EIF3D: variants seen among roughly 807,000 people sequenced by gnomAD.
The protein encoded by EIF3D is eIF3 p66.
EIF3D carries 10 observed loss-of-function variants against 75.4 expected under a neutral mutation model. That is an observed-to-expected ratio of 0.13 (90% confidence interval 0.08 to 0.22). The LOEUF (loss-of-function observed/expected upper bound fraction) is 0.22. EIF3D is among the 10% of genes least tolerant of loss of function. The probability of loss-of-function intolerance (pLI) is 1.00; values close to 1 mark genes in which losing one functional copy is unlikely to be tolerated. For synonymous variants in EIF3D, 246 were observed against 248.3 expected (o/e 0.99, Z 0.09); for missense variants, 394 against 708.0 (o/e 0.56, Z 5.03).
Position 36,528,755 on chromosome 22 carries a change from G to A in EIF3D, c.-11+321C>T, listed in dbSNP as rs116897396. On this transcript the variant is annotated intron_variant, in intron 1 of 14. Transcript: ENST00000216190. ...CCTAAGACCTCACTCAAAAAGTCAG[G>A]GAGTTTTCGGCCACTTCAGAAAGAC... The A allele has an allele frequency of 5.3e-3, 806 of 152,636 alleles. 15 individuals carry two copies. The highest frequency in any genetic ancestry group is 0.036 in the East Asian group (186 of 5,196). 9.5% of individuals were successfully genotyped at this position (152,636 alleles called of 1,614,324 possible).
chr22:36,527,757 A>T (rs1462310918), intron 1 of EIF3D, among the ~76,000 whole-genome samples: 1 of 152,198 alleles, frequency 6.6e-6, no homozygotes, highest in East Asian at 1.9e-4. Flanking sequence ...CAGTGAGCCA[A>T]GATCCTGCCA....
At chr22:36,512,398 C>G in intron 13 of EIF3D, 62 bp downstream of exon 13, 1 of 1,591,674 alleles carries the variant, frequency 6.3e-7, no homozygotes, top group Non-Finnish European at 8.6e-7. Context: ...GGAGGGTCAA[C>G]CTCCCTACCC....
At chr22:36,527,562 C>T (rs1367353362) in intron 1 of EIF3D, among the ~76,000 whole-genome samples, 8 of 152,268 alleles carry the variant, frequency 5.3e-5, no homozygotes, top group Non-Finnish European at 1.0e-4. Flanking sequence ...TCTTGGAGGC[C>T]GGGCGCGGTG....
chr22:36,526,621 T>G (rs1466757478), intron 1 of EIF3D, among the ~76,000 whole-genome samples: 2 of 152,116 alleles, frequency 1.3e-5, no homozygotes, highest in Non-Finnish European at 2.9e-5. Context: ...TTCTTTTTTT[T>G]TTTTGAGACA....
Position 36,521,628 on chromosome 22 carries a change from GAAA to G in EIF3D, c.466-943_466-941del, listed in dbSNP as rs1219218174. On this transcript the variant is annotated intron_variant, in intron 6 of 14. Transcript: ENST00000216190. ...AGGACTCTTATTTGGCAATAAACAA[GAAA>G]AGAAGCTCATCTGGGCTGGGTGTGG... is the stretch of plus-strand genomic sequence containing the variant. Among the ~76,000 whole-genome samples, 4 of 152,192 alleles carry G rather than the reference GAAA, an allele frequency of 2.6e-5. No homozygotes were observed. The East Asian group carries it at 5.8e-4, about 22-fold the overall frequency.
At position 36,524,743 on chromosome 22, in the gene EIF3D, A is replaced by C. The variant is rs1934568669; in HGVS notation, c.170-11T>G. On this transcript the variant is annotated splice_polypyrimidine_tract_variant and intron_variant, in intron 3 of 14. Coordinates refer to ENST00000216190, the MANE Select transcript of EIF3D (RefSeq NM_003753.4). ...GAGAGGAGTACTTATCTGGAGGCAA[A>C]GGTGATGGCATGTAGTAACTGCACC... The C allele has an allele frequency of 6.2e-7, 1 of 1,614,230 alleles. No homozygotes were observed.
At chr22:36,522,626 AAC>A (rs1367904624) in intron 6 of EIF3D, among the ~76,000 whole-genome samples, 1 of 152,148 alleles carries the variant, frequency 6.6e-6, no homozygotes, top group Non-Finnish European at 1.5e-5. Context: ...CGAGACAGAA[AAC>A]AGATTCATAG....
intron 12 of EIF3D, among the ~76,000 whole-genome samples, chr22:36,515,739 G>C (rs2145870725): frequency 6.6e-6 from 1 of 152,242 alleles, no homozygotes; most frequent in South Asian, 2.1e-4. Flanking sequence ...AGGGAAACGG[G>C]TGAGACCAGA....
intron 14 of EIF3D, 71 bp from the exon 15 acceptor site, chr22:36,511,071 C>T: frequency 1.9e-6 from 3 of 1,563,248 alleles, no homozygotes; most frequent in East Asian, 2.2e-5. Flanking sequence ...CCTTTCTGAA[C>T]CTCTGCTGGA....
intron 14 of EIF3D, 143 bp from the exon 15 acceptor site, chr22:36,511,143 G>T: frequency 9.3e-7 from 1 of 1,070,256 alleles, no homozygotes; most frequent in Non-Finnish European, 1.3e-6. Flanking sequence ...TCACAGGGCT[G>T]GGCAGGTATT....
intron 3 of EIF3D, among the ~76,000 whole-genome samples, chr22:36,525,238 ACTTTTTTTTT>A (rs1934578693): frequency 8.5e-6 from 1 of 117,608 alleles, no homozygotes; most frequent in Non-Finnish European, 1.7e-5. Flanking sequence ...CAGGGGTTTT[ACTTTTTTTTT>A]TTTTTTTTTT....
chr22:36,512,037 C>A (rs923698041), intron 13 of EIF3D, among the ~76,000 whole-genome samples: 1 of 151,936 alleles, frequency 6.6e-6, no homozygotes, highest in East Asian at 1.9e-4. Context: ...GCTACAGGCG[C>A]CCGCCACTAC....
intron 3 of EIF3D, among the ~76,000 whole-genome samples, chr22:36,525,335 C>G (rs1468089380): frequency 7.0e-6 from 1 of 142,940 alleles, no homozygotes; most frequent in African/African-American, 2.6e-5. Context: ...CCTCTAACTT[C>G]TGGGTTCAAG....
Position 36,519,527 on chromosome 22 carries a change from C to T in EIF3D, c.589G>A (p.Gly197Arg), listed in dbSNP as rs757212194. The change falls in exon 8 of 15, where the codon GGG (glycine) becomes AGG (arginine). Residue 197 changes from glycine to arginine, a missense_variant. Physicochemically the swap from Gly to Arg is moderately radical, Grantham distance 125. Transcript: ENST00000216190. ...GCTTTGTCGTAGTATTCTAGGGCCC[C>T]ACAACACTCACTGTGGGAAGAGCAG... The part of the protein sequence containing the change: ...VSEPQDIECC[G>R]ALEYYDKAFD... 6.2e-7 allele frequency: 1 copy of T among 1,614,142 alleles called. No homozygotes were observed. Among genetic ancestry groups the T allele is most frequent in the Non-Finnish European group, 8.5e-7 (1 of 1,180,032 alleles).
At chr22:36,523,797 T>C in intron 5 of EIF3D, 98 bp downstream of exon 5, 1 of 1,126,956 alleles carries the variant, frequency 8.9e-7, no homozygotes, top group East Asian at 2.4e-5. Flanking sequence ...TTTTTTGCAG[T>C]GGTGGGGAAT....
chr22:36,524,768 C>T (rs138127858), intron 3 of EIF3D, 36 bp from the exon 4 acceptor site: 1 of 1,613,980 alleles, frequency 6.2e-7, no homozygotes, highest in African/African-American at 1.3e-5. Context: ...GTAACTGCAC[C>T]CACAGACTTT....
At chr22:36,526,346 C>A (rs919922719) in intron 1 of EIF3D, among the ~76,000 whole-genome samples, 2 of 152,142 alleles carry the variant, frequency 1.3e-5, no homozygotes, top group African/African-American at 4.8e-5. Context: ...ACTGATTTTT[C>A]ATATTTCATT....
intron 1 of EIF3D, chr22:36,526,676 T>C (rs6519013): frequency 0.15 from 22,889 of 151,482 alleles, 1,877 homozygotes; most frequent in Admixed American, 0.2. Context: ...GGCGTGCAAC[T>C]TCCGCCTTCC....
chr22:36,511,077 C>T (rs1223379458), intron 14 of EIF3D, 77 bp from the exon 15 acceptor site: 9 of 1,537,618 alleles, frequency 5.9e-6, no homozygotes, highest in Non-Finnish European at 7.9e-6. Flanking sequence ...TGAACCTCTG[C>T]TGGACTGTGC....
Sources: allele counts gnomAD v4.1 joint callset (sites outside exome capture counted in the v4.1 genomes callset), GRCh38; gene constraint gnomAD v4.1.1; transcripts MANE v1.5; gene names NCBI Gene and HGNC (gene_info 2026-07-23, HGNC 2026-07-21).